Variants in NRG1 observed in about 807,000 individuals in gnomAD.
NRG1 encodes pro-neuregulin-1, membrane-bound isoform.
A neutral mutation model predicts 63.8 loss-of-function variants in NRG1; 18 were observed. The ratio of observed to expected loss-of-function variants is 0.28; its 90% CI spans 0.19 to 0.42. The LOEUF (loss-of-function observed/expected upper bound fraction) is 0.42, where lower values mean the gene tolerates loss of function less well. Ranked by LOEUF, NRG1 falls within the 10% of genes least tolerant of loss-of-function variation. The pLI is 1.00. For missense variants in NRG1, 762 were observed against 814.7 expected, an observed-to-expected ratio of 0.94 and a Z score of 0.79; for synonymous variants, 302 against 301.3, an observed-to-expected ratio of 1.00 and a Z score of -0.02.
chr8:32,319,009 A>G (rs1801072728), intron 1 of NRG1, among the ~76,000 whole-genome samples: 1 of 152,156 alleles, frequency 6.6e-6, no homozygotes, highest in South Asian at 2.1e-4. Context: ...TGTGCGATGT[A>G]AAAAAGGCTT....
chr8:31,840,422 C>T (rs1385067335), intron 1 of NRG1, among the ~76,000 whole-genome samples: 1 of 140,372 alleles, frequency 7.1e-6, no homozygotes, highest in African/African-American at 2.7e-5. Context: ...AAAATCAGCA[C>T]CTACAATAAT....
chr8:32,598,200 A>G (rs1452160473), intron 2 of NRG1, among the ~76,000 whole-genome samples: 1 of 152,068 alleles, frequency 6.6e-6, no homozygotes, highest in African/African-American at 2.4e-5. Flanking sequence ...TATATGAAAC[A>G]TGGGAAATTT....
chr8:32,165,201 C>T (rs1563859814), intron 1 of NRG1, among the ~76,000 whole-genome samples: 2 of 151,498 alleles, frequency 1.3e-5, no homozygotes, highest in African/African-American at 4.9e-5. Flanking sequence ...TGCAGTGCCT[C>T]GAACATAGTT....
At chr8:32,546,671 T>C (rs965134236), upstream of NRG1, among the ~76,000 whole-genome samples, 1 of 152,246 alleles carries the variant, frequency 6.6e-6, no homozygotes, top group African/African-American at 2.4e-5. Context: ...TATTTGGTGT[T>C]TGTAGGAAGG....
chr8:31,718,381 T>C (rs1401019666), intron 1 of NRG1, among the ~76,000 whole-genome samples: 1 of 152,158 alleles, frequency 6.6e-6, no homozygotes, highest in Non-Finnish European at 1.5e-5. Flanking sequence ...ATGCTTCTTA[T>C]AGGAATCCTT....
intron 1 of NRG1, among the ~76,000 whole-genome samples, chr8:32,115,752 A>G (rs1057409364): frequency 6.6e-6 from 1 of 152,240 alleles, no homozygotes; most frequent in South Asian, 2.1e-4. Flanking sequence ...GGATACTACT[A>G]TTGTCCTCAT....
chr8:32,509,555 T>G lies in NRG1; in HGVS notation c.38-86273T>G, dbSNP rs537530801. Among the ~76,000 whole-genome samples the G allele has an allele frequency of 2.0e-5, 3 of 152,226 alleles. No homozygotes were observed. The East Asian group carries it at 5.8e-4, about 29-fold the overall frequency. ...AAGTAGATTGAAGAGGAATTGGAATTTGAGGGATGCAGGTGATTAAAGGAG... is the reference window on the plus strand; with the variant it reads ...AAGTAGATTGAAGAGGAATTGGAATGTGAGGGATGCAGGTGATTAAAGGAG... On this transcript the variant is annotated intron_variant, in intron 1 of 10. Transcript: ENST00000519301.
intron 5 of NRG1, among the ~76,000 whole-genome samples, chr8:32,667,587 A>G (rs1343492568): frequency 6.6e-6 from 1 of 152,200 alleles, no homozygotes; most frequent in Non-Finnish European, 1.5e-5. Context: ...AAATGCTTGT[A>G]GGGAAAACCC....
intron 1 of NRG1, among the ~76,000 whole-genome samples, chr8:31,724,816 A>G (rs376880450): frequency 3.0e-4 from 45 of 152,244 alleles, no homozygotes; most frequent in African/African-American, 9.4e-4. Flanking sequence ...AATGAGATGC[A>G]TACAAAACAA....
intron 1 of NRG1, among the ~76,000 whole-genome samples, chr8:32,281,943 C>T (rs1393860208): frequency 1.3e-5 from 2 of 152,168 alleles, no homozygotes; most frequent in African/African-American, 4.8e-5. Context: ...TTCAGATACA[C>T]AGTAAAAGAA....
chr8:31,716,588 A>G (rs1441428734), intron 1 of NRG1, among the ~76,000 whole-genome samples: 1 of 152,214 alleles, frequency 6.6e-6, no homozygotes, highest in East Asian at 1.9e-4. Flanking sequence ...TCCACTTACA[A>G]ATTCTTTTAT....
chr8:32,764,385 G>T, exon 12 of NRG1: 1 of 1,598,582 alleles, frequency 6.3e-7, no homozygotes, highest in East Asian at 2.2e-5. Flanking sequence ...TGCTAACCAA[G>T]ACCCTATTGC....
chr8:32,364,401 G>T (rs978816807), intron 1 of NRG1, among the ~76,000 whole-genome samples: 1 of 151,912 alleles, frequency 6.6e-6, no homozygotes, highest in Non-Finnish European at 1.5e-5. Context: ...TACCTCTTTT[G>T]TAATACTAAG....
rs140144266 is a variant in NRG1 at position 31,768,758 on chromosome 8, C to T, written c.37+129327C>T. On this transcript the variant is annotated intron_variant, in intron 1 of 10. Coordinates refer to the NRG1 transcript ENST00000519301. The stretch of plus-strand genomic sequence containing the variant: ...TAGAGACTTGATGTTCCTAACTGGT[C>T]GCAAACTTGGGTTCATCAGAAGAAT... 8.5e-5 allele frequency among the ~76,000 whole-genome samples: 13 copies of T among 152,266 alleles called. No homozygotes were observed. In the East Asian group the frequency reaches 1.2e-3, roughly 14 times the overall value.
chr8:32,358,430 G>C (rs775297853), intron 1 of NRG1, among the ~76,000 whole-genome samples: 3 of 150,732 alleles, frequency 2.0e-5, no homozygotes, highest in Non-Finnish European at 2.9e-5. Flanking sequence ...GATAGGGAGA[G>C]GTCAGAGATG....
At chr8:32,537,426 T>C (rs1832120466) in intron 1 of NRG1, among the ~76,000 whole-genome samples, 1 of 152,028 alleles carries the variant, frequency 6.6e-6, no homozygotes, top group South Asian at 2.1e-4. Context: ...TTTTATTGGG[T>C]TCATGTATTC....
Position 32,506,589 on chromosome 8 carries a change from G to A in NRG1, c.38-89239G>A, listed in dbSNP as rs193050482. On this transcript the variant is annotated intron_variant, in intron 1 of 10. Transcript: ENST00000519301. ...CCTCAAGCCAAAAATCACAAAAGTCGCAATACCCAAAGAATTATTTCTTAC... is the reference window on the plus strand; with the variant it reads ...CCTCAAGCCAAAAATCACAAAAGTCACAATACCCAAAGAATTATTTCTTAC... 9.2e-5 allele frequency among the ~76,000 whole-genome samples: 14 copies of A among 152,216 alleles called. No individual in the cohort carries two copies. The East Asian group carries it at 2.1e-3, about 23-fold the overall frequency.
intron 2 of NRG1, among the ~76,000 whole-genome samples, chr8:32,605,042 A>T (rs1278475361): frequency 2.0e-5 from 3 of 152,148 alleles, no homozygotes; most frequent in Non-Finnish European, 4.4e-5. Flanking sequence ...GAATTGATAA[A>T]TCCTCTTAAT....
chr8:32,084,075 A>G (rs1827882877), intron 1 of NRG1, among the ~76,000 whole-genome samples: 1 of 152,212 alleles, frequency 6.6e-6, no homozygotes, highest in Non-Finnish European at 1.5e-5. Flanking sequence ...AGAAAAAGAC[A>G]TTTTAAATTA....
Sources: gnomAD v4.1 joint callset for allele counts (sites outside exome capture counted in the v4.1 genomes callset) on GRCh38, gnomAD v4.1.1 for gene constraint, MANE v1.5 for transcripts, NCBI Gene and HGNC (gene_info 2026-07-23, HGNC 2026-07-21) for gene names.